CALN1: variants seen among roughly 807,000 people sequenced by gnomAD.
CALN1 encodes the protein calneuron 1, also known as calcium-binding protein 8.
In CALN1, 17 loss-of-function variants were observed where a neutral mutation model predicts 30.6. The ratio of observed to expected loss-of-function variants is 0.56; its 90% CI spans 0.38 to 0.83. The LOEUF is 0.83. Ranked by LOEUF, CALN1 falls within the 40% of genes least tolerant of loss-of-function variation. CALN1 has a pLI of 0.00. For missense variants in CALN1, 291 were observed against 354.9 expected, an observed-to-expected ratio of 0.82 and a Z score of 1.45; for synonymous variants, 156 against 131.4, an observed-to-expected ratio of 1.19 and a Z score of -1.28.
At chr7:72,260,893 G>C (rs1277215963) in intron 3 of CALN1, among the ~76,000 whole-genome samples, 1 of 152,160 alleles carries the variant, frequency 6.6e-6, no homozygotes, top group Admixed American at 6.5e-5. Context: ...GGTGCTTCTA[G>C]GTTCAGAGAT....
chr7:72,256,938 G>A (rs1405443092), intron 3 of CALN1, among the ~76,000 whole-genome samples: 1 of 152,150 alleles, frequency 6.6e-6, no homozygotes, highest in African/African-American at 2.4e-5. Flanking sequence ...CCTCCTCCCA[G>A]GAGGTGGGTG....
chr7:72,261,427 CT>C (rs34736636), intron 3 of CALN1, among the ~76,000 whole-genome samples: 8 of 149,134 alleles, frequency 5.4e-5, no homozygotes, highest in South Asian at 2.1e-4. Context: ...ATTTCAGAAG[CT>C]TTTTTTTTTT....
intron 3 of CALN1, among the ~76,000 whole-genome samples, chr7:72,259,653 A>G (rs1796142717): frequency 6.6e-6 from 1 of 152,134 alleles, no homozygotes; most frequent in Non-Finnish European, 1.5e-5. Context: ...AATTTCCCTC[A>G]TCTGTATAAT....
Position 71,785,039 on chromosome 7 carries a change from G to T in CALN1, c.*2736C>A, listed in dbSNP as rs1562772564. ...TCACCGGGACAAACTCTGAGCTCCT[G>T]AAGTCTAAGGAATGCCGCTAGCTCA... is the stretch of plus-strand genomic sequence containing the variant. On this transcript the variant is annotated 3_prime_UTR_variant, in exon 7 of 7. Transcript: ENST00000395275. 2.5e-6 allele frequency: 1 copy of T among 395,406 alleles called. No individual in the cohort carries two copies. The highest frequency in any genetic ancestry group is 4.4e-6 in the Non-Finnish European group (1 of 224,730). 24.5% of individuals were successfully genotyped at this position (395,406 alleles called of 1,614,324 possible).
chr7:72,185,975 C>T (rs1258783569), intron 3 of CALN1, among the ~76,000 whole-genome samples: 2 of 152,098 alleles, frequency 1.3e-5, no homozygotes, highest in Non-Finnish European at 2.9e-5. Flanking sequence ...CAAACTAATG[C>T]AGAGGGATTA....
At chr7:72,206,457 A>G (rs1791893296) in intron 3 of CALN1, among the ~76,000 whole-genome samples, 1 of 152,148 alleles carries the variant, frequency 6.6e-6, no homozygotes, top group African/African-American at 2.4e-5. Flanking sequence ...CTAATACTAT[A>G]TGTGACTTGC....
chr7:71,895,731 T>C (rs1169451682), intron 5 of CALN1, among the ~76,000 whole-genome samples: 1 of 152,074 alleles, frequency 6.6e-6, no homozygotes, highest in Non-Finnish European at 1.5e-5. Context: ...AGAAGAAAAA[T>C]GACTCCTGCT....
chr7:72,269,244 C>T (rs1241450471), intron 3 of CALN1, among the ~76,000 whole-genome samples: 4 of 152,030 alleles, frequency 2.6e-5, no homozygotes. Flanking sequence ...TTTTAGGGTA[C>T]ATGTGCACAA....
chr7:72,067,623 T>A (rs1005075744), intron 4 of CALN1, among the ~76,000 whole-genome samples: 1 of 152,108 alleles, frequency 6.6e-6, no homozygotes, highest in African/African-American at 2.4e-5. Context: ...AAGAAAAATT[T>A]AAAAAAATCA....
chr7:71,977,086 T>C (rs573575284), intron 5 of CALN1, among the ~76,000 whole-genome samples: 1 of 152,198 alleles, frequency 6.6e-6, no homozygotes, highest in Non-Finnish European at 1.5e-5. Context: ...ACTTTCCATA[T>C]AAAGCTTTTC....
chr7:72,320,777 G>T (rs1203539869), intron 2 of CALN1, among the ~76,000 whole-genome samples: 1 of 143,184 alleles, frequency 7.0e-6, no homozygotes, highest in Non-Finnish European at 1.5e-5. Flanking sequence ...GGAGGTTGCA[G>T]TGAGCCGAGA....
chr7:72,371,667 G>A (rs1804250548), intron 2 of CALN1, among the ~76,000 whole-genome samples: 1 of 152,168 alleles, frequency 6.6e-6, no homozygotes, highest in Non-Finnish European at 1.5e-5. Flanking sequence ...GACTAATGTA[G>A]CATGTATGTA....
chr7:71,925,026 A>G (rs970417607), intron 5 of CALN1, among the ~76,000 whole-genome samples: 1 of 152,192 alleles, frequency 6.6e-6, no homozygotes, highest in Non-Finnish European at 1.5e-5. Flanking sequence ...AGACTACTTG[A>G]GGTCAGGAGT....
chr7:71,917,568 A>T (rs751491344), intron 5 of CALN1, among the ~76,000 whole-genome samples: 2 of 152,196 alleles, frequency 1.3e-5, no homozygotes, highest in Non-Finnish European at 2.9e-5. Flanking sequence ...ATTGACTCAC[A>T]GTTCTGCATG....
At chr7:72,057,129 T>C (rs1160616286) in intron 4 of CALN1, among the ~76,000 whole-genome samples, 1 of 151,498 alleles carries the variant, frequency 6.6e-6, no homozygotes. Context: ...AAAAAGTTTG[T>C]AGAGATGGGG....
chr7:72,389,341 C>A (rs541391121), intron 2 of CALN1, among the ~76,000 whole-genome samples: 62 of 152,328 alleles, frequency 4.1e-4, no homozygotes, highest in African/African-American at 1.4e-3. Context: ...TGTTTCATAG[C>A]CTCCTTCTTT....
intron 3 of CALN1, among the ~76,000 whole-genome samples, chr7:72,147,742 T>C (rs1014132642): frequency 4.6e-5 from 7 of 151,952 alleles, no homozygotes; most frequent in Admixed American, 6.6e-5. Flanking sequence ...ATGTGGCACA[T>C]ATACACCATG....
intron 5 of CALN1, among the ~76,000 whole-genome samples, chr7:72,011,863 A>T (rs753872074): frequency 4.0e-5 from 6 of 151,892 alleles, no homozygotes; most frequent in Non-Finnish European, 5.9e-5. Flanking sequence ...ACTGGTCTTG[A>T]ACTCTGAACT....
intron 5 of CALN1, among the ~76,000 whole-genome samples, chr7:71,833,003 C>T (rs1300113938): frequency 1.3e-5 from 2 of 152,180 alleles, no homozygotes; most frequent in Non-Finnish European, 2.9e-5. Flanking sequence ...TTAGTGGCTG[C>T]TCTATGCAAC....
Sources: gnomAD v4.1 joint callset for allele counts (sites outside exome capture counted in the v4.1 genomes callset) on GRCh38, gnomAD v4.1.1 for gene constraint, MANE v1.5 for transcripts, NCBI Gene and HGNC (gene_info 2026-07-23, HGNC 2026-07-21) for gene names.